The following GSE1 variants were observed in gnomAD, a reference collection of about 807,000 sequenced individuals.
GSE1 encodes genetic suppressor element 1.
A neutral mutation model predicts 112.6 loss-of-function variants in GSE1; 32 were observed. The ratio of observed to expected loss-of-function variants is 0.28; its 90% CI spans 0.21 to 0.38. The LOEUF (loss-of-function observed/expected upper bound fraction) is 0.38, where lower values mean the gene tolerates loss of function less well. Ranked by LOEUF, GSE1 falls within the 10% of genes least tolerant of loss-of-function variation. GSE1 has a pLI of 1.00. For missense variants in GSE1, 2,348 were observed against 1,699.2 expected, an observed-to-expected ratio of 1.38 and a Z score of -6.71; for synonymous variants, 1,115 against 735.6, an observed-to-expected ratio of 1.52 and a Z score of -8.35.
chr16:85,250,523 C>T (rs1906357771), intron 1 of GSE1, among the ~76,000 whole-genome samples: 1 of 152,246 alleles, frequency 6.6e-6, no homozygotes, highest in Non-Finnish European at 1.5e-5. Context: ...ATGGAGACCC[C>T]AAGCACCTTT....
intron 15 of GSE1, chr16:85,671,831 G>C (rs889410322): frequency 1.9e-5 from 3 of 155,984 alleles, no homozygotes; most frequent in Non-Finnish European, 4.3e-5. Context: ...TAGCAGGATT[G>C]GTTCAGCAGA....
intron 2 of GSE1, among the ~76,000 whole-genome samples, chr16:85,430,956 C>T (rs1391962085): frequency 6.6e-6 from 1 of 152,218 alleles, no homozygotes; most frequent in Non-Finnish European, 1.5e-5. Flanking sequence ...TAAGACTCTG[C>T]ACTTTGAGAG....
At chr16:85,560,118 T>C (rs1243473596) in intron 1 of GSE1, among the ~76,000 whole-genome samples, 1 of 130,452 alleles carries the variant, frequency 7.7e-6, no homozygotes, top group Non-Finnish European at 1.6e-5. Flanking sequence ...AGCTTTTTTT[T>C]CTTCTTCTTC....
chr16:85,322,207 C>T lies in GSE1; in HGVS notation c.2284-35256C>T, dbSNP rs570311705. On this transcript the variant is annotated intron_variant, in intron 1 of 2. Coordinates refer to the GSE1 transcript ENST00000637419. ...GGCTAGCTCAGTGTCACATGGCACA[C>T]GTTCCAGGAAACAGAGCGGCCTCTG... is the stretch of plus-strand genomic sequence containing the variant. Among the ~76,000 whole-genome samples the T allele has an allele frequency of 8.0e-5, 12 of 150,770 alleles. No individual in the cohort carries two copies. In the East Asian group the frequency reaches 1.6e-3, roughly 20 times the overall value.
At chr16:85,425,948 G>C (rs11149745) in intron 2 of GSE1, among the ~76,000 whole-genome samples, 1 of 151,734 alleles carries the variant, frequency 6.6e-6, no homozygotes, top group African/African-American at 2.4e-5. Context: ...TGTCAGTGGC[G>C]AGGCCGGGAT....
intron 2 of GSE1, among the ~76,000 whole-genome samples, chr16:85,440,189 C>G (rs138196435): frequency 5.7e-4 from 87 of 152,344 alleles, no homozygotes; most frequent in African/African-American, 2.0e-3. Flanking sequence ...CTTGACTCAG[C>G]AACACCGGGA....
rs1289704960 is a variant in GSE1 at position 85,674,567 on chromosome 16, C to T, written c.*2028C>T. 2 of 152,356 alleles carry T rather than the reference C, an allele frequency of 1.3e-5. No individual in the cohort carries two copies. Among genetic ancestry groups the T allele is most frequent in the East Asian group, 1.9e-4 (1 of 5,184 alleles). The allele number at this position is 152,356 out of a possible 1,614,324, so 9.4% of individuals were successfully genotyped here. A position where few individuals can be genotyped will look rare whatever the true frequency, so the allele number is the denominator to read the frequency against. ...TTCTGGTCTGAAGGCTTAAGAGTCA[C>T]ATCTTAGCACTTCCGCTCTCAGGCC... On this transcript the variant is annotated 3_prime_UTR_variant, in exon 16 of 16. Coordinates refer to ENST00000253458, the MANE Select transcript of GSE1 (RefSeq NM_014615.5).
chr16:85,517,118 C>T (rs1276952604), intron 2 of GSE1, among the ~76,000 whole-genome samples: 2 of 152,178 alleles, frequency 1.3e-5, no homozygotes, highest in Admixed American at 1.3e-4. Flanking sequence ...CTGGATGTTC[C>T]TGGTGGGTGG....
chr16:85,187,478 C>T (rs934035792), intron 1 of GSE1, among the ~76,000 whole-genome samples: 3 of 152,248 alleles, frequency 2.0e-5, no homozygotes, highest in African/African-American at 4.8e-5. Context: ...TTTCCCGTGA[C>T]GAAGCCCATT....
intron 2 of GSE1, among the ~76,000 whole-genome samples, chr16:85,456,579 C>CATGTGTGTGTGT (rs1491195220): frequency 3.3e-5 from 3 of 91,476 alleles, no homozygotes; most frequent in African/African-American, 7.9e-5. Context: ...ATTTTCCTGC[C>CATGTGTGTGTGT]GTGTGTGTGT....
intron 2 of GSE1, among the ~76,000 whole-genome samples, chr16:85,363,192 G>A (rs1009801387): frequency 6.6e-6 from 1 of 152,198 alleles, no homozygotes; most frequent in Non-Finnish European, 1.5e-5. Flanking sequence ...TGAGTTTGGG[G>A]TGGGGTTGCA....
intron 1 of GSE1, among the ~76,000 whole-genome samples, chr16:85,249,874 G>A (rs1197796515): frequency 6.6e-6 from 1 of 152,252 alleles, no homozygotes; most frequent in Non-Finnish European, 1.5e-5. Flanking sequence ...TCCTCCATGA[G>A]GGCAGCAATG....
intron 1 of GSE1, among the ~76,000 whole-genome samples, chr16:85,579,425 A>G (rs1455248349): frequency 2.6e-5 from 4 of 152,218 alleles, no homozygotes; most frequent in Non-Finnish European, 5.9e-5. Flanking sequence ...TTTGTATTGT[A>G]AATTTCCGCA....
At chr16:85,190,742 G>A (rs1157201450) in intron 1 of GSE1, among the ~76,000 whole-genome samples, 3 of 152,222 alleles carry the variant, frequency 2.0e-5, no homozygotes, top group Non-Finnish European at 4.4e-5. Context: ...AGATATCCTG[G>A]TATTTTTACA....
At chr16:85,632,151 C>T (rs894205993) in intron 1 of GSE1, among the ~76,000 whole-genome samples, 1 of 152,190 alleles carries the variant, frequency 6.6e-6, no homozygotes, top group African/African-American at 2.4e-5. Flanking sequence ...GGTCCCCCTC[C>T]ACCCCTGGCC....
At chr16:85,515,470 A>T (rs546522150) in intron 2 of GSE1, among the ~76,000 whole-genome samples, 2 of 152,244 alleles carry the variant, frequency 1.3e-5, no homozygotes, top group Admixed American at 6.5e-5. Flanking sequence ...TCTGCTGATG[A>T]GATCTGGCAG....
chr16:85,656,229 A>G, intron 6 of GSE1, 114 bp from the exon 7 acceptor site: 4 of 1,311,832 alleles, frequency 3.0e-6, no homozygotes, highest in South Asian at 1.4e-5. Context: ...ACCTCCCGTC[A>G]CTGTTCAGAT....
chr16:85,303,574 T>A (rs1734681604), intron 1 of GSE1, among the ~76,000 whole-genome samples: 1 of 152,188 alleles, frequency 6.6e-6, no homozygotes, highest in Non-Finnish European at 1.5e-5. Context: ...CAGGTTCTAT[T>A]GTGACTCCCA....
At chr16:85,332,837 G>T (rs980491400) in intron 1 of GSE1, among the ~76,000 whole-genome samples, 16 of 152,128 alleles carry the variant, frequency 1.1e-4, no homozygotes, top group African/African-American at 3.9e-4. Flanking sequence ...GCCCTTCATG[G>T]CGGGCCCAGG....
Sources: allele counts gnomAD v4.1 joint callset (sites outside exome capture counted in the v4.1 genomes callset), GRCh38; gene constraint gnomAD v4.1.1; transcripts MANE v1.5; gene names NCBI Gene and HGNC (gene_info 2026-07-23, HGNC 2026-07-21).